Variants in ATG10 observed in about 807,000 individuals in gnomAD.
ATG10 encodes autophagy related 10, also known as ubiquitin-like-conjugating enzyme ATG10.
Under a neutral mutation model 32.1 loss-of-function variants are expected in ATG10, and 30 were observed. That is an observed-to-expected ratio of 0.94 (90% CI 0.70 to 1.27). The LOEUF is 1.27. Ranked by LOEUF, ATG10 falls within the 50% of genes most tolerant of loss-of-function variation. The pLI, the probability that ATG10 is intolerant of heterozygous loss-of-function variation, is 0.00. For missense variants in ATG10, 233 were observed against 262.3 expected, an observed-to-expected ratio of 0.89 and a Z score of 0.77; for synonymous variants, 87 against 91.5, an observed-to-expected ratio of 0.95 and a Z score of 0.28.
chr5:82,125,895 A>G (rs552615977), intron 3 of ATG10, among the ~76,000 whole-genome samples: 2 of 152,258 alleles, frequency 1.3e-5, no homozygotes, highest in African/African-American at 4.8e-5. Flanking sequence ...TACTGATTCT[A>G]ACTATCCATG....
chr5:82,107,554 C>A (rs1201844619), intron 3 of ATG10, among the ~76,000 whole-genome samples: 1 of 152,062 alleles, frequency 6.6e-6, no homozygotes, highest in East Asian at 1.9e-4. Flanking sequence ...CTTTCACTTG[C>A]ATTAAAAAAT....
intron 3 of ATG10, among the ~76,000 whole-genome samples, chr5:82,110,739 A>G (rs1037518120): frequency 2.6e-5 from 4 of 152,006 alleles, no homozygotes; most frequent in African/African-American, 9.6e-5. Context: ...ATTTTCTCCC[A>G]TTTTGTAGGT....
chr5:82,003,465 T>G (rs1362885087), intron 2 of ATG10, among the ~76,000 whole-genome samples: 2 of 152,174 alleles, frequency 1.3e-5, no homozygotes, highest in Non-Finnish European at 2.9e-5. Flanking sequence ...CTAACCAGAA[T>G]GCAAAGAAAT....
intron 3 of ATG10, among the ~76,000 whole-genome samples, chr5:82,137,631 C>G (rs1766818882): frequency 6.6e-6 from 1 of 152,174 alleles, no homozygotes; most frequent in Admixed American, 6.5e-5. Flanking sequence ...CCAGAGCTCT[C>G]CTGTATGAGG....
chr5:82,050,954 T>C (rs1415602009), intron 2 of ATG10, among the ~76,000 whole-genome samples: 1 of 150,780 alleles, frequency 6.6e-6, no homozygotes, highest in Non-Finnish European at 1.5e-5. Context: ...GAAGCTGCAA[T>C]GAGCTGTGAT....
chr5:81,980,438 G>A (rs953976606), intron 1 of ATG10, among the ~76,000 whole-genome samples: 2 of 152,040 alleles, frequency 1.3e-5, no homozygotes, highest in Non-Finnish European at 2.9e-5. Flanking sequence ...GTGACCAAGT[G>A]TTCCTTCGTC....
At chr5:82,010,313 G>A (rs1172065441) in intron 2 of ATG10, among the ~76,000 whole-genome samples, 6 of 152,028 alleles carry the variant, frequency 3.9e-5, no homozygotes, top group Non-Finnish European at 7.4e-5. Flanking sequence ...TTTCGTTTTG[G>A]TACCTGTACT....
At chr5:82,127,860 T>G (rs1199173109) in intron 3 of ATG10, among the ~76,000 whole-genome samples, 1 of 152,130 alleles carries the variant, frequency 6.6e-6, no homozygotes, top group Non-Finnish European at 1.5e-5. Context: ...CTTGTTGATC[T>G]ATCTAATATT....
intron 2 of ATG10, among the ~76,000 whole-genome samples, chr5:82,027,095 TAA>T (rs1762615826): frequency 6.6e-6 from 1 of 150,930 alleles, no homozygotes; most frequent in Non-Finnish European, 1.5e-5. Context: ...AATAAATAAA[TAA>T]ATAAATAAAT....
At chr5:82,004,642 C>CTT (rs1236713374) in intron 2 of ATG10, among the ~76,000 whole-genome samples, 1 of 152,144 alleles carries the variant, frequency 6.6e-6, no homozygotes, top group East Asian at 1.9e-4. Flanking sequence ...AGGCAGCAAC[C>CTT]AGTAAGTGGT....
chr5:82,196,443 A>G (rs1169145963), intron 5 of ATG10, among the ~76,000 whole-genome samples: 1 of 152,156 alleles, frequency 6.6e-6, no homozygotes, highest in Admixed American at 6.5e-5. Flanking sequence ...TATTATATCT[A>G]CAAAACTGTT....
At chr5:82,139,174 C>T (rs373140700) in intron 3 of ATG10, among the ~76,000 whole-genome samples, 9,357 of 141,290 alleles carry the variant, frequency 0.066, 326 homozygotes, top group African/African-American at 0.14. Context: ...AGTGCAGTGG[C>T]GTGATCTCGG....
chr5:82,182,531 T>C (rs1346188012), intron 5 of ATG10, among the ~76,000 whole-genome samples: 1 of 152,142 alleles, frequency 6.6e-6, no homozygotes, highest in Non-Finnish European at 1.5e-5. Context: ...GGAATACTAC[T>C]TAGCAATAAA....
At chr5:82,051,310 C>G (rs997022023) in intron 2 of ATG10, among the ~76,000 whole-genome samples, 1 of 152,130 alleles carries the variant, frequency 6.6e-6, no homozygotes, top group Admixed American at 6.6e-5. Flanking sequence ...AGGACAGGCT[C>G]AGCTTCCTTA....
At chr5:82,241,269 G>A (rs774266899) in intron 5 of ATG10, among the ~76,000 whole-genome samples, 43 of 152,138 alleles carry the variant, frequency 2.8e-4, no homozygotes, top group Non-Finnish European at 5.0e-4. Flanking sequence ...CACTACTGTT[G>A]CCTTTTACAA....
intron 2 of ATG10, among the ~76,000 whole-genome samples, chr5:82,050,932 G>A (rs1763396603): frequency 1.3e-5 from 2 of 150,820 alleles, no homozygotes; most frequent in Admixed American, 1.3e-4. Flanking sequence ...GATGGCCTGG[G>A]CCCAGGAATT....
intron 3 of ATG10, among the ~76,000 whole-genome samples, chr5:82,060,549 CTGTT>C (rs1763732149): frequency 6.6e-6 from 1 of 152,112 alleles, no homozygotes; most frequent in Admixed American, 6.5e-5. Context: ...TTCTAGGTGA[CTGTT>C]TAATTACGCA....
chr5:81,983,384 C>T (rs540633683), intron 1 of ATG10, among the ~76,000 whole-genome samples: 149 of 142,070 alleles, frequency 1.0e-3, no homozygotes, highest in Middle Eastern at 4.0e-3. Context: ...CCTCACCTCC[C>T]GGACGGGGTG....
At chr5:82,217,569 A>G (rs1385942646) in intron 5 of ATG10, among the ~76,000 whole-genome samples, 1 of 152,066 alleles carries the variant, frequency 6.6e-6, no homozygotes, top group Non-Finnish European at 1.5e-5. Flanking sequence ...TGTAGAATAT[A>G]TATGCATATA....
Sources: gnomAD v4.1 joint callset for allele counts (sites outside exome capture counted in the v4.1 genomes callset) on GRCh38, gnomAD v4.1.1 for gene constraint, MANE v1.5 for transcripts, NCBI Gene and HGNC (gene_info 2026-07-23, HGNC 2026-07-21) for gene names.